TSPAN18: variants seen among roughly 807,000 people sequenced by gnomAD.
TSPAN18 encodes tetraspanin-18.
TSPAN18 carries 14 observed loss-of-function variants against 27.3 expected under a neutral mutation model. That is an observed-to-expected ratio of 0.51 (90% CI 0.34 to 0.80). The LOEUF (loss-of-function observed/expected upper bound fraction) is 0.80. Ranked by LOEUF, TSPAN18 falls within the 30% of genes least tolerant of loss-of-function variation. TSPAN18 has a pLI of 0.01. For missense variants in TSPAN18, 268 were observed against 323.9 expected (o/e 0.83, Z 1.32); for synonymous variants, 143 against 136.5 (o/e 1.05, Z -0.33).
At chr11:44,848,637 GAGAA>G (rs1238215147) in intron 2 of TSPAN18, among the ~76,000 whole-genome samples, 1 of 152,236 alleles carries the variant, frequency 6.6e-6, no homozygotes, top group African/African-American at 2.4e-5. Context: ...ACTCAATTGA[GAGAA>G]AGAGAGAGCA....
At chr11:44,909,232 G>C (rs763106524) in intron 4 of TSPAN18, among the ~76,000 whole-genome samples, 1 of 152,172 alleles carries the variant, frequency 6.6e-6, no homozygotes, top group Non-Finnish European at 1.5e-5. Flanking sequence ...GGCTGACTCA[G>C]AGCATGTTCA....
rs756776588 is a variant in TSPAN18 at position 44,919,975 on chromosome 11, A to C, written c.591A>C (p.Gly197=). The change falls in exon 8 of 10, where the codon GGA becomes GGC. Residue 197 remains glycine, a synonymous_variant. Transcript: ENST00000520358. ...TGAGCCGGGAGGAGTGCCTCCTGGGAAGGAGCCTATTCCTAAACAAGCAGG... is the reference window on the plus strand; with the variant it reads ...TGAGCCGGGAGGAGTGCCTCCTGGGCAGGAGCCTATTCCTAAACAAGCAGG... ...VLLSREECLL[G]RSLFLNKQGC... 5 of 1,613,726 alleles carry C rather than the reference A, an allele frequency of 3.1e-6. No homozygotes were observed. Among genetic ancestry groups the C allele is most frequent in the Non-Finnish European group, 3.4e-6 (4 of 1,179,858 alleles).
intron 2 of TSPAN18, among the ~76,000 whole-genome samples, chr11:44,791,475 C>G (rs1342138458): frequency 6.6e-6 from 1 of 152,250 alleles, no homozygotes; most frequent in Non-Finnish European, 1.5e-5. Context: ...GGCTAGAAGC[C>G]TTGGCAATGA....
intron 2 of TSPAN18, among the ~76,000 whole-genome samples, chr11:44,839,605 A>G (rs1406916622): frequency 6.6e-6 from 1 of 151,926 alleles, no homozygotes; most frequent in Non-Finnish European, 1.5e-5. Flanking sequence ...TGTCTGCCCC[A>G]GGGGTTCCTC....
At chr11:44,820,909 A>G (rs905043663) in intron 2 of TSPAN18, among the ~76,000 whole-genome samples, 3 of 152,186 alleles carry the variant, frequency 2.0e-5, no homozygotes, top group African/African-American at 7.2e-5. Context: ...TGCCATGAGT[A>G]AAAGCTTCCT....
At chr11:44,846,263 G>C (rs979333196) in intron 2 of TSPAN18, among the ~76,000 whole-genome samples, 1 of 152,232 alleles carries the variant, frequency 6.6e-6, no homozygotes, top group African/African-American at 2.4e-5. Flanking sequence ...TGTGACTCTA[G>C]CATTCCGGCT....
chr11:44,731,983 T>A (rs1027206242), intron 1 of TSPAN18, among the ~76,000 whole-genome samples: 1 of 152,262 alleles, frequency 6.6e-6, no homozygotes, highest in Non-Finnish European at 1.5e-5. Context: ...AAAGCCATCT[T>A]CCTAGAAGAC....
chr11:44,857,343 T>C (rs968519446), intron 2 of TSPAN18, among the ~76,000 whole-genome samples: 1 of 152,220 alleles, frequency 6.6e-6, no homozygotes, highest in Admixed American at 6.5e-5. Context: ...GGGTTGCCTG[T>C]GTCAACCACA....
At chr11:44,736,318 T>C (rs564850009) in intron 1 of TSPAN18, 15 of 152,334 alleles carry the variant, frequency 9.8e-5, no homozygotes, top group African/African-American at 2.9e-4. Context: ...ATATAGAAAT[T>C]ACAACCAGTT....
At chr11:44,906,723 AG>A (rs1564989215) in intron 4 of TSPAN18, among the ~76,000 whole-genome samples, 1 of 152,144 alleles carries the variant, frequency 6.6e-6, no homozygotes, top group African/African-American at 2.4e-5. Context: ...CCTCTCAAAA[AG>A]GTGGAGGGGA....
At chr11:44,909,638 G>A (rs1859632026) in intron 4 of TSPAN18, 67 bp from the exon 5 acceptor site, 34 of 1,518,088 alleles carry the variant, frequency 2.2e-5, no homozygotes, top group Non-Finnish European at 2.8e-5. Flanking sequence ...GGGGAGTGGT[G>A]GGTCAGAAGT....
chr11:44,931,121 A>C lies in TSPAN18; in HGVS notation c.*1943A>C. On this transcript the variant is annotated 3_prime_UTR_variant, in exon 10 of 10. Coordinates refer to ENST00000520358, the MANE Select transcript of TSPAN18 (RefSeq NM_130783.5). Reference sequence around the variant, plus strand: ...CCACCAGGTCTCTGAGCTCAGTGTTACCAAATTCGCCCTTTAACAGCTTGC... The same window carrying C: ...CCACCAGGTCTCTGAGCTCAGTGTTCCCAAATTCGCCCTTTAACAGCTTGC... 2.8e-6 allele frequency: 1 copy of C among 360,748 alleles called. No homozygotes were observed. The highest frequency in any genetic ancestry group is 7.5e-5 in the East Asian group (1 of 13,362). 22.3% of individuals were successfully genotyped at this position (360,748 alleles called of 1,614,324 possible).
intron 2 of TSPAN18, among the ~76,000 whole-genome samples, chr11:44,799,856 A>G (rs868615329): frequency 7.2e-5 from 11 of 152,078 alleles, no homozygotes; most frequent in Admixed American, 2.0e-4. Context: ...ATTGAGACGG[A>G]GTCTCGTTCT....
At chr11:44,868,052 G>C (rs117405257) in intron 3 of TSPAN18, among the ~76,000 whole-genome samples, 267 of 152,310 alleles carry the variant, frequency 1.8e-3, no homozygotes, top group Non-Finnish European at 2.9e-3. Flanking sequence ...GCCTCCAGCT[G>C]GTGACAGGCT....
intron 2 of TSPAN18, among the ~76,000 whole-genome samples, chr11:44,843,364 T>A (rs1227211689): frequency 6.6e-6 from 1 of 151,692 alleles, no homozygotes; most frequent in African/African-American, 2.4e-5. Flanking sequence ...GGGAAGGGAG[T>A]ATACAAATAG....
At chr11:44,917,729 C>A in intron 5 of TSPAN18, 1 of 548,096 alleles carries the variant, frequency 1.8e-6, no homozygotes, top group Non-Finnish European at 3.3e-6. Flanking sequence ...TCTAAGGGTA[C>A]CATTTGCATG....
chr11:44,910,156 G>A (rs540574917), intron 5 of TSPAN18, among the ~76,000 whole-genome samples: 9 of 152,354 alleles, frequency 5.9e-5, no homozygotes, highest in East Asian at 1.9e-4. Context: ...TGATACAGAC[G>A]CTAGGTCAGG....
At chr11:44,734,975 C>T (rs563560933) in intron 1 of TSPAN18, among the ~76,000 whole-genome samples, 55 of 152,324 alleles carry the variant, frequency 3.6e-4, no homozygotes, top group South Asian at 2.3e-3. Context: ...ACAGAAACAC[C>T]GCCCTCCATG....
chr11:44,874,192 G>A (rs1022099779), intron 3 of TSPAN18, among the ~76,000 whole-genome samples: 4 of 152,180 alleles, frequency 2.6e-5, no homozygotes, highest in African/African-American at 9.7e-5. Flanking sequence ...AAGGAGATGG[G>A]CCTAGCACGG....
Sources: gnomAD v4.1 joint callset for allele counts (sites outside exome capture counted in the v4.1 genomes callset) on GRCh38, gnomAD v4.1.1 for gene constraint, MANE v1.5 for transcripts, NCBI Gene and HGNC (gene_info 2026-07-23, HGNC 2026-07-21) for gene names.